Variants in RUNX1 observed in about 807,000 individuals in gnomAD.
RUNX1 encodes the protein runt-related transcription factor 1.
A neutral mutation model predicts 42.8 loss-of-function variants in RUNX1; 19 were observed. The ratio of observed to expected loss-of-function variants is 0.44; its 90% CI spans 0.31 to 0.65. The LOEUF is 0.65. RUNX1 is among the 30% of genes least tolerant of loss of function. The pLI is 0.07. For synonymous variants in RUNX1, 271 were observed against 289.4 expected (o/e 0.94, Z 0.64); for missense variants, 528 against 672.0 (o/e 0.79, Z 2.37).
At chr21:34,819,224 A>C (rs2056873323) in intron 7 of RUNX1, among the ~76,000 whole-genome samples, 1 of 152,212 alleles carries the variant, frequency 6.6e-6, no homozygotes, top group Non-Finnish European at 1.5e-5. Context: ...TTTGAGCAAG[A>C]AAAGTCTCTC....
chr21:34,893,008 AAATT>A (rs1246964402), intron 2 of RUNX1, 45 bp from the exon 3 acceptor site: 1 of 1,351,776 alleles, frequency 7.4e-7, no homozygotes, highest in East Asian at 2.3e-5. Flanking sequence ...GCAAGTTTAA[AAATT>A]AACTTTCCCC....
chr21:35,027,199 T>C (rs370805420), intron 2 of RUNX1, among the ~76,000 whole-genome samples: 20 of 152,284 alleles, frequency 1.3e-4, no homozygotes, highest in African/African-American at 4.8e-4. Flanking sequence ...CTGATTCCAC[T>C]ACCCCATCTC....
intron 2 of RUNX1, among the ~76,000 whole-genome samples, chr21:35,004,529 G>A (rs975223649): frequency 1.3e-5 from 2 of 152,164 alleles, no homozygotes; most frequent in African/African-American, 4.8e-5. Context: ...GGCGTGTCTT[G>A]AGTAAAGTCA....
chr21:34,808,884 G>C (rs543105385), intron 7 of RUNX1, among the ~76,000 whole-genome samples: 2 of 152,158 alleles, frequency 1.3e-5, no homozygotes. Flanking sequence ...TTTAGAACAT[G>C]TCTCATTCTC....
At chr21:35,038,493 G>C (rs2059326956) in intron 2 of RUNX1, 1 of 456,078 alleles carries the variant, frequency 2.2e-6, no homozygotes, top group South Asian at 1.6e-5. Context: ...GCTACACCTA[G>C]AGAAAGCTTC....
At chr21:34,898,729 T>C (rs996075212) in intron 2 of RUNX1, among the ~76,000 whole-genome samples, 1 of 152,128 alleles carries the variant, frequency 6.6e-6, no homozygotes, top group African/African-American at 2.4e-5. Context: ...TTAAATTCCC[T>C]AGGCAGCACT....
intron 2 of RUNX1, among the ~76,000 whole-genome samples, chr21:34,999,762 T>G (rs2059026250): frequency 6.6e-6 from 1 of 152,166 alleles, no homozygotes; most frequent in Non-Finnish European, 1.5e-5. Context: ...CTCTCTTCTC[T>G]CCCGTTAGGC....
At chr21:34,864,392 C>T (rs1009120962) in intron 5 of RUNX1, among the ~76,000 whole-genome samples, 2 of 152,216 alleles carry the variant, frequency 1.3e-5, no homozygotes, top group Non-Finnish European at 2.9e-5. Flanking sequence ...TAAATAGCAA[C>T]GGCCCCAAAA....
intron 7 of RUNX1, among the ~76,000 whole-genome samples, chr21:34,806,112 T>C (rs551404298): frequency 1.3e-5 from 2 of 152,308 alleles, no homozygotes; most frequent in Admixed American, 6.5e-5. Context: ...GTTATAAATA[T>C]GATTGATACT....
At chr21:34,928,164 A>G (rs1341893945) in intron 2 of RUNX1, among the ~76,000 whole-genome samples, 1 of 152,154 alleles carries the variant, frequency 6.6e-6, no homozygotes, top group Non-Finnish European at 1.5e-5. Context: ...CAATAGCCAA[A>G]TTTCAAGTGC....
rs369167551 is a variant in RUNX1 at position 34,821,337 on chromosome 21, G to T, written c.805+13073C>A. 2.3e-4 allele frequency: 269 copies of T among 1,182,330 alleles called. No homozygotes were observed. The African/African-American group carries it at 3.7e-3, about 16-fold the overall frequency. 73.2% of individuals were successfully genotyped at this position (1,182,330 alleles called of 1,614,324 possible). A position where few individuals can be genotyped will look rare whatever the true frequency, so the allele number is the denominator to read the frequency against. On this transcript the variant is annotated intron_variant, in intron 7 of 8. Transcript: ENST00000675419. ...GTATTGAAAGTGTACCGGGATCCAT[G>T]CTAAATATTTGATAAAAATATATCT...
At chr21:34,899,152 G>C (rs978556294) in intron 2 of RUNX1, among the ~76,000 whole-genome samples, 2 of 152,160 alleles carry the variant, frequency 1.3e-5, no homozygotes, top group African/African-American at 4.8e-5. Flanking sequence ...GACCTCAAGT[G>C]ATCTGCCCAC....
chr21:34,968,614 C>T (rs1299143164), intron 2 of RUNX1, among the ~76,000 whole-genome samples: 2 of 152,010 alleles, frequency 1.3e-5, no homozygotes, highest in African/African-American at 4.8e-5. Context: ...AATATCAGTA[C>T]GGGGTGTAGA....
At chr21:35,020,901 T>C (rs2059193697) in intron 2 of RUNX1, among the ~76,000 whole-genome samples, 1 of 152,226 alleles carries the variant, frequency 6.6e-6, no homozygotes, top group South Asian at 2.1e-4. Flanking sequence ...CCTAAGTCCT[T>C]GTCAGTAGCT....
At position 34,871,423 on chromosome 21, in the gene RUNX1, C is replaced by T. The variant is rs189808098; in HGVS notation, c.508+9134G>A. 3.9e-5 allele frequency among the ~76,000 whole-genome samples: 6 copies of T among 152,252 alleles called. No homozygotes were observed. The East Asian group carries it at 5.8e-4, about 15-fold the overall frequency. On this transcript the variant is annotated intron_variant, in intron 5 of 8. Coordinates refer to ENST00000675419, the MANE Select transcript of RUNX1 (RefSeq NM_001754.5). ...GTATACACGGAGAAGGAAAATTAGG[C>T]GTGAGGGTCCCCATGCAGCACAAAA...
chr21:34,833,013 C>G (rs1338229738), intron 7 of RUNX1: 1 of 152,208 alleles, frequency 6.6e-6, no homozygotes, highest in Non-Finnish European at 1.5e-5. Context: ...GAACCTTCCC[C>G]AGAAACCTAA....
Position 34,834,019 on chromosome 21 carries a change from G to A in RUNX1, c.805+391C>T, listed in dbSNP as rs190546776. The A allele has an allele frequency of 2.0e-3, 494 of 241,014 alleles. 2 individuals carry two copies. The highest frequency in any genetic ancestry group is 0.01 in the African/African-American group (443 of 43,916). The allele number at this position is 241,014 out of a possible 1,614,324, so 14.9% of individuals were successfully genotyped here. A position where few individuals can be genotyped will look rare whatever the true frequency, so the allele number is the denominator to read the frequency against. Reference sequence around the variant, plus strand: ...ACATCCCATCTTCACTTTGCTTGACGTGTGTGTGTGTGTGTGTCTGCGTGT... The same window carrying A: ...ACATCCCATCTTCACTTTGCTTGACATGTGTGTGTGTGTGTGTCTGCGTGT... On this transcript the variant is annotated intron_variant, in intron 7 of 8. Transcript: ENST00000675419.
At chr21:34,993,792 GAC>G (rs1306121547) in intron 2 of RUNX1, among the ~76,000 whole-genome samples, 3 of 77,744 alleles carry the variant, frequency 3.9e-5, no homozygotes, top group South Asian at 3.8e-4. Context: ...CACACACACA[GAC>G]ACACACACAG....
chr21:34,861,115 T>A (rs2057568296), intron 5 of RUNX1, among the ~76,000 whole-genome samples: 1 of 152,184 alleles, frequency 6.6e-6, no homozygotes, highest in Non-Finnish European at 1.5e-5. Context: ...ATCTTTCCCA[T>A]CAACTGGCCT....
Sources: allele counts gnomAD v4.1 joint callset (sites outside exome capture counted in the v4.1 genomes callset), GRCh38; gene constraint gnomAD v4.1.1; transcripts MANE v1.5; gene names NCBI Gene and HGNC (gene_info 2026-07-23, HGNC 2026-07-21).